Variants in KHDRBS3 observed in about 807,000 individuals in gnomAD.
The protein encoded by KHDRBS3 is KH RNA binding domain containing, signal transduction associated 3.
A neutral mutation model predicts 45.6 loss-of-function variants in KHDRBS3; 23 were observed. The ratio of observed to expected loss-of-function variants is 0.50; its 90% confidence interval spans 0.36 to 0.72. KHDRBS3 has a LOEUF of 0.72. Among genes scored for constraint, KHDRBS3 ranks in the 30% least tolerant of loss-of-function variants. The pLI is 0.00. For synonymous variants in KHDRBS3, 162 were observed against 156.5 expected (o/e 1.04, Z -0.26); for missense variants, 352 against 424.8 (o/e 0.83, Z 1.51).
rs148804468 is a variant in KHDRBS3, at chr8:135,625,889, G to A, written c.890+18852G>A. 123 of 774,100 alleles carry A rather than the reference G, an allele frequency of 1.6e-4. No homozygotes were observed. In the East Asian group the frequency reaches 2.4e-3, roughly 15 times the overall value. 48.0% of individuals were successfully genotyped at this position (774,100 alleles called of 1,614,324 possible). ...AGCACAGCTGTTCGATCTTTGTCACGTTCAACTGCAGAGACTAATTGATCC... is the reference window on the plus strand; with the variant it reads ...AGCACAGCTGTTCGATCTTTGTCACATTCAACTGCAGAGACTAATTGATCC... On this transcript the variant is annotated intron_variant, in intron 7 of 8. Coordinates refer to ENST00000355849, the MANE Select transcript of KHDRBS3 (RefSeq NM_006558.3).
chr8:135,603,256 G>A (rs1373980994), intron 6 of KHDRBS3, among the ~76,000 whole-genome samples: 5 of 152,200 alleles, frequency 3.3e-5, no homozygotes, highest in African/African-American at 1.2e-4. Flanking sequence ...CAACCATGGT[G>A]TCTAGCAGAG....
rs146760810 is a variant in KHDRBS3 at position 135,630,967 on chromosome 8, G to A, written c.891-14092G>A. Among the ~76,000 whole-genome samples the A allele has an allele frequency of 2.9e-3, 448 of 152,026 alleles. 3 individuals are homozygous for A. The highest frequency in any genetic ancestry group is 1.0e-2 in the African/African-American group (413 of 41,452). ...CTGCACATATTAAAAAGTGTTTTTC[G>A]GCCGGGCGCGGTGGCTCACGCCTGT... On this transcript the variant is annotated intron_variant, in intron 7 of 8. Transcript: ENST00000355849.
At chr8:135,622,740 G>A (rs988469972) in intron 7 of KHDRBS3, among the ~76,000 whole-genome samples, 5 of 152,180 alleles carry the variant, frequency 3.3e-5, no homozygotes, top group Non-Finnish European at 7.3e-5. Flanking sequence ...TATGTTGATG[G>A]ACCATTTCTA....
chr8:135,504,540 A>G (rs1823893546), intron 1 of KHDRBS3, among the ~76,000 whole-genome samples: 1 of 152,216 alleles, frequency 6.6e-6, no homozygotes, highest in African/African-American at 2.4e-5. Context: ...GCCTTCTGGT[A>G]TTCACAACAG....
intron 4 of KHDRBS3, among the ~76,000 whole-genome samples, chr8:135,555,202 ATCC>A (rs1477546882): frequency 2.0e-5 from 3 of 152,150 alleles, no homozygotes; most frequent in East Asian, 3.9e-4. Context: ...ATATCTTCTT[ATCC>A]TCCTCAGTTT....
intron 4 of KHDRBS3, among the ~76,000 whole-genome samples, chr8:135,550,658 A>G (rs1183609322): frequency 1.3e-5 from 2 of 152,154 alleles, no homozygotes; most frequent in Non-Finnish European, 1.5e-5. Context: ...TAGGTTGTGT[A>G]AATTGTCCAC....
intron 2 of KHDRBS3, 52 bp from the exon 3 acceptor site, chr8:135,542,602 G>T (rs2130773845): frequency 8.7e-7 from 1 of 1,145,860 alleles, no homozygotes; most frequent in Non-Finnish European, 1.3e-6. Context: ...TCAAGATTAA[G>T]AAATTGCTTT....
At chr8:135,631,358 A>G (rs1238392738) in intron 7 of KHDRBS3, among the ~76,000 whole-genome samples, 8 of 151,826 alleles carry the variant, frequency 5.3e-5, no homozygotes, top group Middle Eastern at 3.4e-3. Context: ...TGACTCTTTC[A>G]TAATAACACT....
chr8:135,465,276 TGTTTTAG>T lies in KHDRBS3; in HGVS notation c.88+7323_88+7329del, dbSNP rs146621311. ...CCTTATGCCTTCTTTGTAGGGTTGC[TGTTTTAG>T]ACGTAAGTACAGTGTCTAACACATA... On this transcript the variant is annotated intron_variant, in intron 1 of 8. Transcript: ENST00000355849. Among the ~76,000 whole-genome samples, 1,486 of 152,152 alleles carry T rather than the reference TGTTTTAG, an allele frequency of 9.8e-3. 17 individuals carry two copies. The highest frequency in any genetic ancestry group is 0.012 in the Non-Finnish European group (819 of 68,018).
At chr8:135,510,752 G>A (rs1296054251) in intron 1 of KHDRBS3, among the ~76,000 whole-genome samples, 1 of 152,102 alleles carries the variant, frequency 6.6e-6, no homozygotes, top group East Asian at 1.9e-4. Flanking sequence ...TTTTTGATTG[G>A]TAGTCTCTAG....
At position 135,461,821 on chromosome 8, in the gene KHDRBS3, G is replaced by C. The variant is rs192485047; in HGVS notation, c.88+3867G>C. Among the ~76,000 whole-genome samples, 427 of 152,308 alleles carry C rather than the reference G, an allele frequency of 2.8e-3. 5 individuals are homozygous for C. The highest frequency in any genetic ancestry group is 3.8e-3 in the Non-Finnish European group (258 of 68,024). ...TTGTCGTTGATTACAAGAGAAAGTG[G>C]AGCTGAGGATTCAAGATTAAGGTGG... is the stretch of plus-strand genomic sequence containing the variant. On this transcript the variant is annotated intron_variant, in intron 1 of 8. Coordinates refer to ENST00000355849, the MANE Select transcript of KHDRBS3 (RefSeq NM_006558.3).
At chr8:135,512,024 A>G (rs1424960461) in intron 1 of KHDRBS3, among the ~76,000 whole-genome samples, 2 of 152,296 alleles carry the variant, frequency 1.3e-5, no homozygotes, top group East Asian at 3.9e-4. Context: ...TTCATGGAAT[A>G]TTACTTGCAA....
intron 1 of KHDRBS3, among the ~76,000 whole-genome samples, chr8:135,513,289 C>T (rs994390083): frequency 6.6e-6 from 1 of 152,176 alleles, no homozygotes; most frequent in Admixed American, 6.5e-5. Context: ...TCTCACCCCT[C>T]AAGAACTTAC....
chr8:135,489,274 C>T (rs759092146), intron 1 of KHDRBS3, among the ~76,000 whole-genome samples: 6 of 152,106 alleles, frequency 3.9e-5, no homozygotes, highest in Admixed American at 1.3e-4. Flanking sequence ...AATTTACCAC[C>T]GTATCTGTCA....
At chr8:135,460,818 T>C (rs536491263) in intron 1 of KHDRBS3, among the ~76,000 whole-genome samples, 1 of 152,250 alleles carries the variant, frequency 6.6e-6, no homozygotes, top group Non-Finnish European at 1.5e-5. Flanking sequence ...ATTAGTTTAA[T>C]AATCAATGCA....
chr8:135,520,229 G>A (rs988735837), intron 1 of KHDRBS3, among the ~76,000 whole-genome samples: 4 of 152,184 alleles, frequency 2.6e-5, no homozygotes, highest in Non-Finnish European at 5.9e-5. Flanking sequence ...TTGTACAGCT[G>A]ATGACGTCTT....
chr8:135,527,606 A>G lies in KHDRBS3; in HGVS notation c.207+6251A>G, dbSNP rs139419906. 2.3e-3 allele frequency among the ~76,000 whole-genome samples: 353 copies of G among 152,360 alleles called. 2 individuals are homozygous for G. Among genetic ancestry groups the G allele is most frequent in the African/African-American group, 7.6e-3 (315 of 41,572 alleles). On this transcript the variant is annotated intron_variant, in intron 2 of 8. Transcript: ENST00000355849. The stretch of plus-strand genomic sequence containing the variant: ...CTTCTCCAGGTGCTTAATGATGGCA[A>G]ACTATTTCAGGAGAGGGAATGCCAC...
intron 2 of KHDRBS3, among the ~76,000 whole-genome samples, chr8:135,535,704 C>T (rs1245872344): frequency 6.6e-6 from 1 of 152,076 alleles, no homozygotes; most frequent in Non-Finnish European, 1.5e-5. Context: ...CAGAAGGTAT[C>T]CCAGTCCATT....
intron 6 of KHDRBS3, among the ~76,000 whole-genome samples, chr8:135,584,390 C>T (rs1828361736): frequency 6.6e-6 from 1 of 152,158 alleles, no homozygotes; most frequent in Admixed American, 6.5e-5. Context: ...AGTGGGACAC[C>T]AAAGGAAAAG....
Sources: allele counts gnomAD v4.1 joint callset (sites outside exome capture counted in the v4.1 genomes callset), GRCh38; gene constraint gnomAD v4.1.1; transcripts MANE v1.5; gene names NCBI Gene and HGNC (gene_info 2026-07-23, HGNC 2026-07-21).